RER1: variants seen among roughly 807,000 people sequenced by gnomAD.
RER1 encodes protein RER1.
Under a neutral mutation model 28.3 loss-of-function variants are expected in RER1, and 6 were observed. The ratio of observed to expected loss-of-function variants is 0.21; its 90% CI spans 0.12 to 0.42. RER1 has a LOEUF of 0.42. RER1 is among the 10% of genes least tolerant of loss of function. The pLI is 1.00. For missense variants in RER1, 159 were observed against 252.9 expected (o/e 0.63, Z 2.52); for synonymous variants, 110 against 95.9 (o/e 1.15, Z -0.86).
chr1:2,404,275 G>GGT lies in RER1; in HGVS notation c.*1152_*1153insTG. On this transcript the variant is annotated 3_prime_UTR_variant, in exon 7 of 7. Coordinates refer to ENST00000605895, the MANE Select transcript of RER1 (RefSeq NM_007033.5). ...TATCTGACATCGAGCTCCTCTAAGAGGCCACGTTCAAGCTTGTGTGTCCCT... is the reference window on the plus strand; with the variant it reads ...TATCTGACATCGAGCTCCTCTAAGAGGTGCCACGTTCAAGCTTGTGTGTCCCT... 1 of 152,244 alleles carries GGT rather than the reference G, an allele frequency of 6.6e-6. No individual in the cohort carries two copies. The highest frequency in any genetic ancestry group is 1.5e-5 in the Non-Finnish European group (1 of 68,050). The allele number at this position is 152,244 out of a possible 1,614,324, so 9.4% of individuals were successfully genotyped here.
chr1:2,401,305 C>T (rs1642850942), intron 5 of RER1, among the ~76,000 whole-genome samples: 1 of 48,946 alleles, frequency 2.0e-5, no homozygotes, highest in Admixed American at 2.2e-4. Flanking sequence ...TCCTTCCTGC[C>T]GCCTCCTCCC....
In RER1 at chr1:2,396,124, A is replaced by G. The variant is rs1186157864; in HGVS notation, c.81+253A>G. 4.1e-5 allele frequency: 20 copies of G among 488,468 alleles called. No homozygotes were observed. In the East Asian group the frequency reaches 6.6e-4, roughly 16 times the overall value. 30.3% of individuals were successfully genotyped at this position (488,468 alleles called of 1,614,324 possible). ...TTTCCTTTTACCAAGCTTTAAAAAT[A>G]TAAAACCCAGTCTCAGCTCCCAGGC... On this transcript the variant is annotated intron_variant, in intron 2 of 6. Transcript: ENST00000605895.
chr1:2,391,878 G>A lies in RER1; in HGVS notation c.-88G>A, dbSNP rs1570068834. 4.0e-6 allele frequency: 1 copy of A among 251,388 alleles called. No homozygotes were observed. Among genetic ancestry groups the A allele is most frequent in the Non-Finnish European group, 7.5e-6 (1 of 132,954 alleles). 15.6% of individuals were successfully genotyped at this position (251,388 alleles called of 1,614,324 possible). A position where few individuals can be genotyped will look rare whatever the true frequency, so the allele number is the denominator to read the frequency against. On this transcript the variant is annotated 5_prime_UTR_variant, in exon 1 of 7. Coordinates refer to ENST00000605895, the MANE Select transcript of RER1 (RefSeq NM_007033.5). ...CAGCTTCCCGGAGCCGGAGCGCAGCGCCTGCGGCCGCCCGTGCCCCGCCGT... is the reference window on the plus strand; with the variant it reads ...CAGCTTCCCGGAGCCGGAGCGCAGCACCTGCGGCCGCCCGTGCCCCGCCGT...
intron 1 of RER1, chr1:2,394,673 G>A (rs898035502): frequency 1.3e-5 from 2 of 152,288 alleles, no homozygotes; most frequent in African/African-American, 2.4e-5. Context: ...TGAGGAAACT[G>A]AGGCTGGCTG....
At chr1:2,395,894 G>T in intron 2 of RER1, 23 bp downstream of exon 2, 1 of 1,551,966 alleles carries the variant, frequency 6.4e-7, no homozygotes, top group Non-Finnish European at 8.9e-7. Context: ...TTTAGTAGAT[G>T]AGTATAAATA....
At chr1:2,396,239 G>A (rs984126465) in intron 2 of RER1, 2 of 277,718 alleles carry the variant, frequency 7.2e-6, no homozygotes, top group South Asian at 3.9e-5. Context: ...CACCTGCCCC[G>A]TGTCAGCTCG....
At position 2,403,288 on chromosome 1, in the gene RER1, C is replaced by T. The variant is rs188820327; in HGVS notation, c.*164C>T. 4.5e-5 allele frequency: 27 copies of T among 596,740 alleles called. No individual in the cohort carries two copies. The Middle Eastern group carries it at 1.0e-3, about 22-fold the overall frequency. The allele number at this position is 596,740 out of a possible 1,614,324, so 37.0% of individuals were successfully genotyped here. On this transcript the variant is annotated 3_prime_UTR_variant, in exon 7 of 7. Transcript: ENST00000605895. The stretch of plus-strand genomic sequence containing the variant: ...CTGAAATATCAGGTTCTAGAAGAAA[C>T]TGGCGCTTAAACCAAATCGCATGGA...
intron 1 of RER1, chr1:2,394,276 AGGAAC>A (rs1370917215): frequency 1.3e-5 from 2 of 152,376 alleles, no homozygotes; most frequent in Admixed American, 1.3e-4. Context: ...CAGAGGATCC[AGGAAC>A]GGTGTCATGG....
In RER1 at chr1:2,391,857, T is replaced by G; in HGVS notation, c.-109T>G. On this transcript the variant is annotated 5_prime_UTR_variant, in exon 1 of 7. Coordinates refer to ENST00000605895, the MANE Select transcript of RER1 (RefSeq NM_007033.5). ...ACGGAGCGGAAGTGCTCGCTGCAGC[T>G]TCCCGGAGCCGGAGCGCAGCGCCTG... 1.7e-4 allele frequency: 47 copies of G among 273,120 alleles called. No individual in the cohort carries two copies. Among genetic ancestry groups the G allele is most frequent in the East Asian group, 2.5e-4 (4 of 15,950 alleles). The allele number at this position is 273,120 out of a possible 1,614,324, so 16.9% of individuals were successfully genotyped here.
chr1:2,400,611 G>A (rs889429122), intron 4 of RER1, among the ~76,000 whole-genome samples: 2 of 152,202 alleles, frequency 1.3e-5, no homozygotes, highest in African/African-American at 4.8e-5. Flanking sequence ...GTTTATATGT[G>A]GTTGAATTCT....
intron 5 of RER1, among the ~76,000 whole-genome samples, chr1:2,401,252 T>TTCCTCCCTCCTCCTCCCCCCTCCTCC (rs1553230152): frequency 1.6e-5 from 1 of 62,236 alleles, no homozygotes; most frequent in African/African-American, 6.6e-5. Flanking sequence ...TCCTCCCTCC[T>TTCCTCCCTCCTCCTCCCCCCTCCTCC]TCCTCCCTCC....
intron 1 of RER1, chr1:2,395,570 C>T (rs1047587793): frequency 1.8e-6 from 1 of 553,210 alleles, no homozygotes; most frequent in Non-Finnish European, 3.3e-6. Context: ...GGCCTGTGCT[C>T]CTGGGCCCAT....
chr1:2,396,264 G>T (rs1040898763), intron 2 of RER1: 15 of 241,932 alleles, frequency 6.2e-5, no homozygotes, highest in African/African-American at 3.3e-4. Context: ...TTCTGTCCTT[G>T]AGGGTGAGAG....
At chr1:2,394,069 T>G (rs935256067) in intron 1 of RER1, 1 of 152,242 alleles carries the variant, frequency 6.6e-6, no homozygotes, top group African/African-American at 2.4e-5. Context: ...ACGAACAATG[T>G]GACGGGTGGC....
chr1:2,403,051 G>A lies in RER1; in HGVS notation c.518G>A (p.Arg173Gln), dbSNP rs775476070. The part of the protein sequence containing the change: ...KRQIKHMIKY[R>Q]YIPFTHGKRR... ...TCTCCCCAGCACATGATTAAGTACC[G>A]GTACATCCCGTTCACACATGGGAAG... Residue 173 changes from arginine (R) to glutamine (Q), a missense_variant, in exon 7 of 7, where the codon CGG becomes CAG. Transcript: ENST00000605895. 22 of 1,613,688 alleles carry A rather than the reference G, an allele frequency of 1.4e-5. No homozygotes were observed. The highest frequency in any genetic ancestry group is 1.7e-5 in the Non-Finnish European group (20 of 1,179,818).
chr1:2,400,280 G>A (rs764617174), intron 4 of RER1, among the ~76,000 whole-genome samples: 9 of 152,254 alleles, frequency 5.9e-5, no homozygotes, highest in Non-Finnish European at 1.2e-4. Flanking sequence ...AGTCTTCTGT[G>A]TAGGATATGT....
chr1:2,396,984 T>C (rs899956812), intron 2 of RER1, 132 bp from the exon 3 acceptor site: 12 of 590,148 alleles, frequency 2.0e-5, no homozygotes, highest in Non-Finnish European at 3.8e-5. Flanking sequence ...AGATGATCTC[T>C]TGCTATTTTA....
chr1:2,400,759 T>G, intron 4 of RER1, 98 bp from the exon 5 acceptor site: 1 of 996,284 alleles, frequency 1.0e-6, no homozygotes, highest in Non-Finnish European at 1.6e-6. Flanking sequence ...TCGGTTTAGA[T>G]TTGTGAGGCC....
chr1:2,402,396 CAGCATTGGGGG>C (rs1642879304), intron 6 of RER1, 54 bp downstream of exon 6: 3 of 1,610,168 alleles, frequency 1.9e-6, no homozygotes, highest in Non-Finnish European at 2.5e-6. Flanking sequence ...CTGTTACCCG[CAGCATTGGGGG>C]AGCTGTGCTG....
Sources: gnomAD v4.1 joint callset for allele counts (sites outside exome capture counted in the v4.1 genomes callset) on GRCh38, gnomAD v4.1.1 for gene constraint, MANE v1.5 for transcripts, NCBI Gene and HGNC (gene_info 2026-07-23, HGNC 2026-07-21) for gene names.